GRIN2A: variants seen among roughly 807,000 people sequenced by gnomAD.
The protein encoded by GRIN2A is glutamate receptor ionotropic, NMDA 2A.
Under a neutral mutation model 113.4 loss-of-function variants are expected in GRIN2A, and 22 were observed. That is an observed-to-expected ratio of 0.19 (90% CI 0.14 to 0.28). The LOEUF (loss-of-function observed/expected upper bound fraction) is 0.28, where lower values mean the gene tolerates loss of function less well. Ranked by LOEUF, GRIN2A falls within the 10% of genes least tolerant of loss-of-function variation. The pLI is 1.00. For missense variants in GRIN2A, 1,502 were observed against 1,887.0 expected (o/e 0.80, Z 3.78); for synonymous variants, 827 against 738.4 (o/e 1.12, Z -1.94).
At chr16:9,787,566 T>A (rs1366186307) in intron 11 of GRIN2A, among the ~76,000 whole-genome samples, 1 of 152,212 alleles carries the variant, frequency 6.6e-6, no homozygotes, top group African/African-American at 2.4e-5. Flanking sequence ...TGGGGGGCTG[T>A]GTCCTGGGTC....
chr16:9,883,781 C>A lies in GRIN2A; in HGVS notation c.1122+7205G>T, dbSNP rs147599136. 2.2e-4 allele frequency among the ~76,000 whole-genome samples: 33 copies of A among 152,292 alleles called. No individual in the cohort carries two copies. The East Asian group carries it at 5.6e-3, about 26-fold the overall frequency. On this transcript the variant is annotated intron_variant, in intron 4 of 12. Coordinates refer to ENST00000330684, the MANE Select transcript of GRIN2A (RefSeq NM_001134407.3). The stretch of plus-strand genomic sequence containing the variant: ...ACAGATCTGGGCTGGAGGGAGAGAT[C>A]TGGTTGTATTTCTGTGCAAAATGCA...
intron 2 of GRIN2A, among the ~76,000 whole-genome samples, chr16:9,980,633 T>C (rs2045872993): frequency 6.6e-6 from 1 of 152,030 alleles, no homozygotes; most frequent in Non-Finnish European, 1.5e-5. Context: ...GTGGCACATA[T>C]ACACCATGGA....
At chr16:9,955,589 G>C (rs1258332458) in intron 2 of GRIN2A, among the ~76,000 whole-genome samples, 7 of 152,158 alleles carry the variant, frequency 4.6e-5, no homozygotes, top group Admixed American at 3.3e-4. Flanking sequence ...AATCAACATT[G>C]ATTTATAGAC....
intron 10 of GRIN2A, among the ~76,000 whole-genome samples, chr16:9,821,209 A>C (rs1485982295): frequency 1.3e-5 from 2 of 152,148 alleles, no homozygotes; most frequent in Non-Finnish European, 2.9e-5. Context: ...GTGACAACTG[A>C]AATGCCCCAT....
intron 2 of GRIN2A, among the ~76,000 whole-genome samples, chr16:10,106,462 T>A (rs2048503632): frequency 1.3e-5 from 2 of 151,984 alleles, no homozygotes; most frequent in Admixed American, 1.3e-4. Flanking sequence ...ACCTCCCAAA[T>A]CCCACCACTC....
In GRIN2A at chr16:10,180,564, C is replaced by A. The variant is rs1338148432; in HGVS notation, c.-18-135G>T. The A allele has an allele frequency of 1.3e-5, 19 of 1,467,370 alleles. No homozygotes were observed. The highest frequency in any genetic ancestry group is 4.2e-5 in the African/African-American group (3 of 70,984). The allele number at this position is 1,467,370 out of a possible 1,614,324, so 90.9% of individuals were successfully genotyped here. On this transcript the variant is annotated intron_variant, in intron 1 of 12. Coordinates refer to ENST00000330684, the MANE Select transcript of GRIN2A (RefSeq NM_001134407.3). This position sits in a 1 kb window ranked among gnomAD's most constrained non-coding sequence, Gnocchi z 7.0. ...GGATAGGCTGCTGGGATCACGGACT[C>A]CATTCCGAGTCCCCGACGCCATCCA...
chr16:9,810,487 G>C (rs2042065646), intron 10 of GRIN2A, among the ~76,000 whole-genome samples: 1 of 152,198 alleles, frequency 6.6e-6, no homozygotes, highest in Non-Finnish European at 1.5e-5. Flanking sequence ...TAAGGATCTT[G>C]AGATAAAGTC....
chr16:9,798,174 A>T, intron 11 of GRIN2A, 103 bp downstream of exon 11: 1 of 910,558 alleles, frequency 1.1e-6, no homozygotes, highest in Admixed American at 2.0e-5. Flanking sequence ...ATTTTTAGGG[A>T]GCAAACTCAT....
intron 2 of GRIN2A, among the ~76,000 whole-genome samples, chr16:10,063,464 G>A (rs1156633116): frequency 6.6e-6 from 1 of 152,184 alleles, no homozygotes; most frequent in Non-Finnish European, 1.5e-5. Context: ...TTGGCTTCTA[G>A]TAGATGCTTA....
intron 4 of GRIN2A, among the ~76,000 whole-genome samples, chr16:9,854,191 G>C (rs1206332265): frequency 6.6e-6 from 1 of 152,058 alleles, no homozygotes; most frequent in Non-Finnish European, 1.5e-5. Context: ...TGATTAATGT[G>C]TCCATATGTG....
chr16:10,153,900 C>T (rs568009254), intron 2 of GRIN2A, among the ~76,000 whole-genome samples: 23 of 152,280 alleles, frequency 1.5e-4, no homozygotes, highest in East Asian at 5.8e-4. Context: ...GGAGGGGCAT[C>T]GGGGTCTTCG....
At chr16:9,965,533 C>A (rs1209655219) in intron 2 of GRIN2A, among the ~76,000 whole-genome samples, 1 of 152,106 alleles carries the variant, frequency 6.6e-6, no homozygotes, top group East Asian at 1.9e-4. Context: ...AAATCACAAC[C>A]GATTTTGATT....
intron 2 of GRIN2A, among the ~76,000 whole-genome samples, chr16:9,960,157 G>C (rs2045408009): frequency 6.6e-6 from 1 of 152,144 alleles, no homozygotes; most frequent in African/African-American, 2.4e-5. Context: ...GCATATAGGA[G>C]GGGCTCAATC....
intron 3 of GRIN2A, chr16:9,937,706 C>T (rs1036471007): frequency 4.0e-5 from 21 of 520,832 alleles, no homozygotes; most frequent in African/African-American, 3.1e-4. Flanking sequence ...ATCGATCAAT[C>T]CCAGGTGTAG....
At chr16:10,095,217 G>T (rs139981420) in intron 2 of GRIN2A, among the ~76,000 whole-genome samples, 1 of 152,158 alleles carries the variant, frequency 6.6e-6, no homozygotes, top group East Asian at 1.9e-4. Flanking sequence ...CCTGATCTTG[G>T]ACTTCCAGCT....
chr16:9,869,185 A>C (rs2043214122), intron 4 of GRIN2A, among the ~76,000 whole-genome samples: 1 of 152,198 alleles, frequency 6.6e-6, no homozygotes, highest in South Asian at 2.1e-4. Flanking sequence ...CTGCAATCTC[A>C]GCACTTTGAA....
intron 2 of GRIN2A, among the ~76,000 whole-genome samples, chr16:10,021,308 C>T (rs1463290530): frequency 6.6e-6 from 1 of 152,210 alleles, no homozygotes; most frequent in African/African-American, 2.4e-5. Flanking sequence ...CTCTGCCCTC[C>T]TGGAATCCCT....
At chr16:10,128,188 A>G (rs2048985972) in intron 2 of GRIN2A, among the ~76,000 whole-genome samples, 1 of 152,166 alleles carries the variant, frequency 6.6e-6, no homozygotes, top group South Asian at 2.1e-4. Context: ...TGGACCTTTC[A>G]TGATTCTGCC....
At chr16:10,118,367 G>A (rs2048769389) in intron 2 of GRIN2A, among the ~76,000 whole-genome samples, 1 of 151,984 alleles carries the variant, frequency 6.6e-6, no homozygotes, top group Non-Finnish European at 1.5e-5. Context: ...ACCCCACGCA[G>A]CAATTGTAGT....
Sources: gnomAD v4.1 joint callset for allele counts (sites outside exome capture counted in the v4.1 genomes callset) on GRCh38, gnomAD v4.1.1 for gene constraint, Gnocchi (gnomAD v3.1) non-coding constraint, MANE v1.5 for transcripts, NCBI Gene and HGNC (gene_info 2026-07-23, HGNC 2026-07-21) for gene names.